PRIM2: variants seen among roughly 807,000 people sequenced by gnomAD.
PRIM2 encodes the protein DNA primase subunit 2, also known as DNA primase large subunit.
A neutral mutation model predicts 67.3 loss-of-function variants in PRIM2; 39 were observed. The ratio of observed to expected loss-of-function variants is 0.58; its 90% CI spans 0.45 to 0.76. The LOEUF (loss-of-function observed/expected upper bound fraction) is 0.76, where lower values mean the gene tolerates loss of function less well. Among genes scored for constraint, PRIM2 ranks in the 30% least tolerant of loss-of-function variants. The pLI, the probability that PRIM2 is intolerant of heterozygous loss-of-function variation, is 0.00. For missense variants in PRIM2, 398 were observed against 598.7 expected, an observed-to-expected ratio of 0.66 and a Z score of 3.50; for synonymous variants, 143 against 198.7, an observed-to-expected ratio of 0.72 and a Z score of 2.36.
At chr6:57,246,650 G>A in the PRIM2 span, among the ~76,000 whole-genome samples, 1 of 152,128 alleles carries the variant, frequency 6.6e-6, no homozygotes, top group African/African-American at 2.4e-5. Flanking sequence ...AATGGGGAAT[G>A]GTGAGAGAAG....
At chr6:57,563,835 A>G (rs1363680350) in intron 10 of PRIM2, among the ~76,000 whole-genome samples, 1 of 152,016 alleles carries the variant, frequency 6.6e-6, no homozygotes, top group Non-Finnish European at 1.5e-5. Flanking sequence ...TAATTTTTGT[A>G]TTTTTAGTAG....
At chr6:57,375,295 G>A (rs1325236929) in intron 5 of PRIM2, among the ~76,000 whole-genome samples, 1 of 152,146 alleles carries the variant, frequency 6.6e-6, no homozygotes, top group Non-Finnish European at 1.5e-5. Context: ...GAATTTTATT[G>A]AAGGCTTTTT....
chr6:57,581,911 C>T (rs1256849420), intron 10 of PRIM2, among the ~76,000 whole-genome samples: 4,920 of 152,238 alleles, frequency 0.032, 263 homozygotes, highest in African/African-American at 0.11. Flanking sequence ...GAACAAGAGG[C>T]GCATGAACTA....
chr6:57,292,523 G>T, the PRIM2 span, among the ~76,000 whole-genome samples: 1 of 152,148 alleles, frequency 6.6e-6, no homozygotes, highest in Non-Finnish European at 1.5e-5. Context: ...AATCAAAAAA[G>T]AGCCCACATA....
the PRIM2 span, among the ~76,000 whole-genome samples, chr6:57,222,617 A>C: frequency 6.6e-6 from 1 of 152,358 alleles, no homozygotes; most frequent in South Asian, 2.1e-4. Context: ...CCAAGTGAGC[A>C]AAAAAATGTC....
At chr6:57,418,563 AT>A (rs202198401) in intron 7 of PRIM2, among the ~76,000 whole-genome samples, 14 of 149,876 alleles carry the variant, frequency 9.3e-5, no homozygotes, top group African/African-American at 2.2e-4. Flanking sequence ...CGCCCAGCTA[AT>A]TTTTTTTTGA....
intron 7 of PRIM2, among the ~76,000 whole-genome samples, chr6:57,436,372 CTT>C (rs1322807961): frequency 2.0e-5 from 3 of 152,306 alleles, no homozygotes; most frequent in African/African-American, 7.2e-5. Context: ...AGTTGTCACA[CTT>C]TGTGAACTGC....
intron 10 of PRIM2, among the ~76,000 whole-genome samples, chr6:57,592,521 G>A (rs1419986463): frequency 1.3e-5 from 2 of 152,162 alleles, no homozygotes; most frequent in South Asian, 2.1e-4. Context: ...TAGGCCAGGC[G>A]TGATGGCTCA....
chr6:57,348,469 T>C (rs973253691), intron 5 of PRIM2, among the ~76,000 whole-genome samples: 17 of 152,226 alleles, frequency 1.1e-4, no homozygotes, highest in African/African-American at 4.1e-4. Flanking sequence ...TGGTTTTTTT[T>C]ACTATCTCAC....
At chr6:57,474,267 C>T (rs1186311618) in intron 7 of PRIM2, among the ~76,000 whole-genome samples, 1 of 120,728 alleles carries the variant, frequency 8.3e-6, no homozygotes, top group Non-Finnish European at 1.6e-5. Flanking sequence ...CTCCGCCTCC[C>T]GGGGTTCATG....
intron 7 of PRIM2, among the ~76,000 whole-genome samples, chr6:57,400,776 A>G (rs955411098): frequency 1.3e-5 from 2 of 152,146 alleles, no homozygotes; most frequent in East Asian, 1.9e-4. Flanking sequence ...TGTTCATTGC[A>G]TTGTAGGAAT....
Position 57,412,403 on chromosome 6 carries a change from C to T in PRIM2, c.693+30235C>T, listed in dbSNP as rs182658867. Among the ~76,000 whole-genome samples the T allele has an allele frequency of 3.3e-5, 5 of 152,206 alleles. No individual in the cohort carries two copies. The South Asian group carries it at 6.2e-4, about 19-fold the overall frequency. ...CAATCACATATAATGCTGTGATGAG[C>T]ACTTCCTATGTAAGCCTCTGTTTTT... On this transcript the variant is annotated intron_variant, in intron 7 of 13. Transcript: ENST00000615550.
At chr6:57,423,266 T>C (rs1771520540) in intron 7 of PRIM2, among the ~76,000 whole-genome samples, 1 of 152,212 alleles carries the variant, frequency 6.6e-6, no homozygotes, top group Admixed American at 6.5e-5. Context: ...CATAGACGTT[T>C]GCATGCTTTC....
chr6:57,609,275 C>G (rs1411868083), intron 12 of PRIM2, among the ~76,000 whole-genome samples: 1 of 152,106 alleles, frequency 6.6e-6, no homozygotes, highest in Non-Finnish European at 1.5e-5. Context: ...GAAAGGCATA[C>G]CCCTCAGCAA....
At chr6:57,432,451 G>C (rs2127380074) in intron 7 of PRIM2, among the ~76,000 whole-genome samples, 1 of 152,274 alleles carries the variant, frequency 6.6e-6, no homozygotes, top group Non-Finnish European at 1.5e-5. Context: ...AACCTAAAAA[G>C]AGTGGACACT....
At chr6:57,578,086 C>T (rs1775994882) in intron 10 of PRIM2, among the ~76,000 whole-genome samples, 1 of 152,118 alleles carries the variant, frequency 6.6e-6, no homozygotes, top group Non-Finnish European at 1.5e-5. Flanking sequence ...TTGGGTTTGT[C>T]TGAAGTTTTC....
the PRIM2 span, among the ~76,000 whole-genome samples, chr6:57,256,558 T>C: frequency 6.6e-6 from 1 of 152,040 alleles, no homozygotes; most frequent in Non-Finnish European, 1.5e-5. Flanking sequence ...CTCCATTGGA[T>C]TGCGTTATCT....
At chr6:57,455,779 C>T (rs1772751179) in intron 7 of PRIM2, among the ~76,000 whole-genome samples, 1 of 152,158 alleles carries the variant, frequency 6.6e-6, no homozygotes, top group Admixed American at 6.5e-5. Flanking sequence ...GCATTTAGCC[C>T]ATTTACATTT....
the PRIM2 span, among the ~76,000 whole-genome samples, chr6:57,231,856 A>AG: frequency 3.0e-5 from 1 of 32,846 alleles, no homozygotes; most frequent in Non-Finnish European, 1.2e-4. Context: ...CCCTAAGGGA[A>AG]AAAAAAAAAA....
Sources: allele counts gnomAD v4.1 joint callset (sites outside exome capture counted in the v4.1 genomes callset), GRCh38; gene constraint gnomAD v4.1.1; transcripts MANE v1.5; gene names NCBI Gene and HGNC (gene_info 2026-07-23, HGNC 2026-07-21).